CRACR2A: variants seen among roughly 807,000 people sequenced by gnomAD.
CRACR2A encodes the protein EF-hand calcium-binding domain-containing protein 4B.
CRACR2A carries 79 observed loss-of-function variants against 90.5 expected under a neutral mutation model. The observed-to-expected ratio is 0.87, with a 90% CI of 0.73 to 1.05. The LOEUF is 1.05. CRACR2A is among the 50% of genes least tolerant of loss of function. CRACR2A has a pLI of 0.00. For synonymous variants in CRACR2A, 338 were observed against 356.7 expected (o/e 0.95, Z 0.59); for missense variants, 823 against 897.2 (o/e 0.92, Z 1.06).
intron 17 of CRACR2A, among the ~76,000 whole-genome samples, chr12:3,621,512 TGTG>T (rs1944134055): frequency 6.8e-6 from 1 of 147,714 alleles, no homozygotes; most frequent in African/African-American, 2.5e-5. Flanking sequence ...TTTAGCCAGG[TGTG>T]GTGGTGGGCA....
intron 1 of CRACR2A, among the ~76,000 whole-genome samples, chr12:3,748,973 G>C (rs952849433): frequency 6.6e-6 from 1 of 152,218 alleles, no homozygotes. Flanking sequence ...GGTGAGTAGA[G>C]AGCCAATGGA....
intron 2 of CRACR2A, among the ~76,000 whole-genome samples, chr12:3,721,576 A>G (rs889479049): frequency 7.6e-6 from 1 of 130,968 alleles, no homozygotes; most frequent in Admixed American, 8.4e-5. Flanking sequence ...CAGAGTCTCA[A>G]TCATGTCTCA....
At chr12:3,673,393 G>C in intron 7 of CRACR2A, 53 bp downstream of exon 7, 2 of 1,570,100 alleles carry the variant, frequency 1.3e-6, no homozygotes, top group Non-Finnish European at 1.7e-6. Flanking sequence ...TGCACCGTGT[G>C]TCTCTCTTTT....
chr12:3,739,709 G>A (rs1946496875), intron 1 of CRACR2A, among the ~76,000 whole-genome samples: 1 of 152,156 alleles, frequency 6.6e-6, no homozygotes, highest in South Asian at 2.1e-4. Flanking sequence ...GCCGAGGCGG[G>A]TGGATCATGA....
intron 7 of CRACR2A, among the ~76,000 whole-genome samples, chr12:3,666,331 G>GTGCGTGTGTGTT (rs1945138550): frequency 9.2e-5 from 6 of 65,440 alleles, no homozygotes; most frequent in East Asian, 2.8e-4. Context: ...GGACGGCTGC[G>GTGCGTGTGTGTT]TGTGTGTGTG....
At chr12:3,751,268 T>G (rs949862228) in intron 1 of CRACR2A, among the ~76,000 whole-genome samples, 2 of 152,124 alleles carry the variant, frequency 1.3e-5, no homozygotes, top group East Asian at 1.9e-4. Context: ...ACTTTTCCCC[T>G]ACCCCCAAGC....
At chr12:3,680,130 G>A in intron 5 of CRACR2A, 108 bp downstream of exon 5, 5 of 855,204 alleles carry the variant, frequency 5.8e-6, no homozygotes, top group Non-Finnish European at 9.3e-6. Context: ...AAGGAGGGCA[G>A]GAAAGCTTTA....
chr12:3,638,304 A>G lies in CRACR2A; in HGVS notation c.1422T>C (p.Val474=), dbSNP rs568111682. The part of the protein sequence containing the change: ...YPRPLRRIIS[V]EEDPLPQLLD... ...GGAGCTGGGGCAGGGGGTCTTCTTC[A>G]ACGGAGATGATTCTGCGGAGCGGCC... Residue 474 remains valine, a synonymous_variant, in exon 14 of 20, where the codon GTT becomes GTC. Transcript: ENST00000440314. 2.6e-6 allele frequency: 4 copies of G among 1,551,586 alleles called. No homozygotes were observed. The African/African-American group carries it at 4.1e-5, about 16-fold the overall frequency.
rs559898313 is a variant in CRACR2A, at chr12:3,746,710, G to T, written c.-387+6305C>A. 6.6e-6 allele frequency among the ~76,000 whole-genome samples: 1 copy of T among 152,340 alleles called. No individual in the cohort carries two copies. Among genetic ancestry groups the T allele is most frequent in the South Asian group, 2.1e-4 (1 of 4,830 alleles). On this transcript the variant is annotated intron_variant, in intron 1 of 19. Transcript: ENST00000440314. The surrounding 1 kb of genome is among the most constrained non-coding windows in gnomAD (Gnocchi z 4.4). ...CAGGACCCTTTGCTGGCACAGCAGG[G>T]ACTTAGCATGCATGGAAGCTAATTA...
intron 4 of CRACR2A, among the ~76,000 whole-genome samples, chr12:3,684,906 C>T (rs182262909): frequency 7.2e-5 from 11 of 152,322 alleles, no homozygotes; most frequent in East Asian, 1.9e-4. Context: ...CAAGGGAGAG[C>T]GGGCCACGCA....
chr12:3,648,122 T>C, intron 11 of CRACR2A: 1 of 1,015,564 alleles, frequency 9.8e-7, no homozygotes, highest in Non-Finnish European at 1.2e-6. Flanking sequence ...ATTACTTCTT[T>C]CCTCTAATAT....
chr12:3,680,387 C>T, intron 4 of CRACR2A, 38 bp from the exon 5 acceptor site: 2 of 1,466,792 alleles, frequency 1.4e-6, no homozygotes, highest in Non-Finnish European at 9.5e-7. Flanking sequence ...AACACTGACA[C>T]TCACTGGTGG....
intron 12 of CRACR2A, among the ~76,000 whole-genome samples, chr12:3,643,788 T>C (rs1219357696): frequency 8.7e-6 from 1 of 114,648 alleles, no homozygotes; most frequent in Non-Finnish European, 1.7e-5. Flanking sequence ...TTTATATATA[T>C]ATTTATATAA....
intron 7 of CRACR2A, among the ~76,000 whole-genome samples, chr12:3,663,349 C>T (rs1945073778): frequency 6.6e-6 from 1 of 151,916 alleles, no homozygotes; most frequent in African/African-American, 2.4e-5. Context: ...GCGACAATAC[C>T]ACGTCAAGGA....
At chr12:3,703,073 T>C (rs1204049326) in intron 3 of CRACR2A, among the ~76,000 whole-genome samples, 1 of 152,152 alleles carries the variant, frequency 6.6e-6, no homozygotes, top group African/African-American at 2.4e-5. Context: ...CTGAAACAAT[T>C]GAATATCCAT....
intron 10 of CRACR2A, among the ~76,000 whole-genome samples, chr12:3,650,110 G>C (rs1458217106): frequency 5.3e-5 from 8 of 152,224 alleles, no homozygotes. Context: ...TTCATGTAGG[G>C]AGCATCTCGC....
intron 2 of CRACR2A, among the ~76,000 whole-genome samples, chr12:3,716,679 G>C (rs1347359054): frequency 6.6e-6 from 1 of 151,998 alleles, no homozygotes; most frequent in Non-Finnish European, 1.5e-5. Flanking sequence ...CTGATTTTTG[G>C]GGGGCATTGT....
At chr12:3,666,330 C>CGT (rs750488682) in intron 7 of CRACR2A, among the ~76,000 whole-genome samples, 9,593 of 139,532 alleles carry the variant, frequency 0.069, 328 homozygotes, top group African/African-American at 0.093. Flanking sequence ...AGGACGGCTG[C>CGT]GTGTGTGTGT....
intron 4 of CRACR2A, among the ~76,000 whole-genome samples, chr12:3,688,674 T>A (rs1945605793): frequency 6.6e-6 from 1 of 152,218 alleles, no homozygotes; most frequent in Non-Finnish European, 1.5e-5. Flanking sequence ...CTATTTGAGC[T>A]CTTTTGGTTC....
Sources: gnomAD v4.1 joint callset for allele counts (sites outside exome capture counted in the v4.1 genomes callset) on GRCh38, gnomAD v4.1.1 for gene constraint, Gnocchi (gnomAD v3.1) non-coding constraint, MANE v1.5 for transcripts, NCBI Gene and HGNC (gene_info 2026-07-23, HGNC 2026-07-21) for gene names.